Variants in RACGAP1 observed in about 807,000 individuals in gnomAD.
The protein encoded by RACGAP1 is Rac GTPase activating protein 1.
RACGAP1 carries 30 observed loss-of-function variants against 78.1 expected under a neutral mutation model. The ratio of observed to expected loss-of-function variants is 0.38; its 90% CI spans 0.29 to 0.52. The LOEUF is 0.52. Ranked by LOEUF, RACGAP1 falls within the 20% of genes least tolerant of loss-of-function variation. RACGAP1 has a pLI of 0.82. For missense variants in RACGAP1, 587 were observed against 777.1 expected (o/e 0.76, Z 2.91); for synonymous variants, 231 against 264.8 (o/e 0.87, Z 1.24).
chr12:50,011,974 A>AC (rs1949367239), intron 2 of RACGAP1, among the ~76,000 whole-genome samples: 1 of 151,038 alleles, frequency 6.6e-6, no homozygotes, highest in African/African-American at 2.4e-5. Flanking sequence ...AAAAAAAAAA[A>AC]AAAAATTAGC....
chr12:50,025,664 T>C (rs984678614), upstream of RACGAP1: 2 of 541,376 alleles, frequency 3.7e-6, no homozygotes, highest in African/African-American at 2.1e-5. Flanking sequence ...TTTTCGGTTT[T>C]TTTTGTTTTT....
At chr12:49,995,997 C>T (rs749791117) in intron 10 of RACGAP1, among the ~76,000 whole-genome samples, 3 of 152,060 alleles carry the variant, frequency 2.0e-5, no homozygotes, top group Non-Finnish European at 4.4e-5. Flanking sequence ...GAGGAGGCAA[C>T]GACAGTATTG....
rs1010525150 is a variant in RACGAP1, at chr12:49,994,635, T to C, written c.1045-126A>G. Reference sequence around the variant, plus strand: ...GACATCATGTCTACTTTTACATTCCTATTCCCAAAGCATATATTAAAACAG... The same window carrying C: ...GACATCATGTCTACTTTTACATTCCCATTCCCAAAGCATATATTAAAACAG... On this transcript the variant is annotated intron_variant, in intron 10 of 16. Transcript: ENST00000312377. 5.0e-6 allele frequency: 7 copies of C among 1,398,480 alleles called. No homozygotes were observed. In the Admixed American group the frequency reaches 8.4e-5, roughly 17 times the overall value. The allele number at this position is 1,398,480 out of a possible 1,614,324, so 86.6% of individuals were successfully genotyped here.
At chr12:50,029,487 G>A (rs1013329584), upstream of RACGAP1, among the ~76,000 whole-genome samples, 1 of 151,184 alleles carries the variant, frequency 6.6e-6, no homozygotes, top group African/African-American at 2.4e-5. Flanking sequence ...CAGGAGAATC[G>A]CTCTTGAACC....
At position 49,989,541 on chromosome 12, in the gene RACGAP1, A is replaced by G. The variant is rs11557728; in HGVS notation, c.*727T>C. ...GCATCAGAATGAATTCAATTTTAAA[A>G]GAAAAACTGGCTTTGACCCCAAATG... On this transcript the variant is annotated 3_prime_UTR_variant, in exon 17 of 17. Transcript: ENST00000312377. 6.6e-6 allele frequency: 1 copy of G among 152,230 alleles called. No homozygotes were observed. Among genetic ancestry groups the G allele is most frequent in the Non-Finnish European group, 1.5e-5 (1 of 68,046 alleles). The allele number at this position is 152,230 out of a possible 1,614,324, so 9.4% of individuals were successfully genotyped here.
At chr12:50,012,757 T>C (rs1949428576) in intron 2 of RACGAP1, among the ~76,000 whole-genome samples, 1 of 148,606 alleles carries the variant, frequency 6.7e-6, no homozygotes, top group Non-Finnish European at 1.5e-5. Flanking sequence ...AGACTCTGTT[T>C]CAAAAAAAAT....
rs566935542 is a variant in RACGAP1, at chr12:49,997,313, C to T, written c.880-109G>A. 4.1e-5 allele frequency: 56 copies of T among 1,350,158 alleles called. No individual in the cohort carries two copies. In the Admixed American group the frequency reaches 5.5e-4, roughly 13 times the overall value. The allele number at this position is 1,350,158 out of a possible 1,614,324, so 83.6% of individuals were successfully genotyped here. A position where few individuals can be genotyped will look rare whatever the true frequency, so the allele number is the denominator to read the frequency against. Reference sequence around the variant, plus strand: ...TTTTTGAGACCGAATCTCACTCTCTCGCCTGGGCTGGAGTGCAGTGGTGTG... The same window carrying T: ...TTTTTGAGACCGAATCTCACTCTCTTGCCTGGGCTGGAGTGCAGTGGTGTG... On this transcript the variant is annotated intron_variant, in intron 9 of 16. Coordinates refer to ENST00000312377, the MANE Select transcript of RACGAP1 (RefSeq NM_001319999.2).
chr12:49,999,246 G>A lies in RACGAP1; in HGVS notation c.774C>T (p.Asp258=). 1 of 1,613,840 alleles carries A rather than the reference G, an allele frequency of 6.2e-7. No homozygotes were observed. Among genetic ancestry groups the A allele is most frequent in the Non-Finnish European group, 8.5e-7 (1 of 1,179,958 alleles). The change falls in exon 9 of 17, where the codon GAC becomes GAT. Residue 258 remains aspartate, a synonymous_variant. Transcript: ENST00000312377. ...KTGTLQPWNS[D]STLNSRQLEP... ...CCAGCTGCCTGCTGTTCAGGGTGGA[G>A]TCACTGTTCCAAGGTTGTAAAGTAC...
chr12:50,026,085 T>C (rs1178705833), upstream of RACGAP1, among the ~76,000 whole-genome samples: 1 of 152,260 alleles, frequency 6.6e-6, no homozygotes, highest in East Asian at 1.9e-4. Flanking sequence ...TAATTCCATT[T>C]AATAAACGTT....
chr12:50,002,369 T>C (rs953067213), intron 5 of RACGAP1, 69 bp from the exon 6 acceptor site: 13 of 1,383,824 alleles, frequency 9.4e-6, no homozygotes, highest in Admixed American at 2.0e-5. Context: ...TGCAAATAAA[T>C]TTACAGAGAA....
intron 15 of RACGAP1, among the ~76,000 whole-genome samples, chr12:49,991,479 A>ATATATATATATATATATAT (rs1555169074): frequency 4.2e-5 from 1 of 24,088 alleles, no homozygotes; most frequent in African/African-American, 1.4e-4. Flanking sequence ...ATATATATAT[A>ATATATATATATATATATAT]TTTTTTTTTT....
Position 49,990,229 on chromosome 12 carries a change from T to G in RACGAP1, c.*39A>C, listed in dbSNP as rs1947738471. On this transcript the variant is annotated 3_prime_UTR_variant, in exon 17 of 17. Transcript: ENST00000312377. Reference sequence around the variant, plus strand: ...CAGAGTACAGATGTGTCCTTTCTTATAGTCAGTCAATGCTGGGAAGTAACA... The same window carrying G: ...CAGAGTACAGATGTGTCCTTTCTTAGAGTCAGTCAATGCTGGGAAGTAACA... 1.3e-6 allele frequency: 2 copies of G among 1,535,704 alleles called. No homozygotes were observed. The highest frequency in any genetic ancestry group is 2.7e-5 in the African/African-American group (2 of 73,274).
chr12:50,009,586 C>T (rs1400355478), intron 2 of RACGAP1, among the ~76,000 whole-genome samples: 1 of 152,138 alleles, frequency 6.6e-6, no homozygotes, highest in African/African-American at 2.4e-5. Context: ...CTTTTATCTC[C>T]AGTGTTGTAA....
At chr12:50,012,327 G>A (rs1296169483) in intron 2 of RACGAP1, among the ~76,000 whole-genome samples, 1 of 151,894 alleles carries the variant, frequency 6.6e-6, no homozygotes, top group African/African-American at 2.4e-5. Context: ...TTGGGAGGCT[G>A]AGGCGGGTGG....
Position 49,990,145 on chromosome 12 carries a change from A to G in RACGAP1, c.*123T>C. ...TTAATAAAACCCTCATGCACAATTA[A>G]ACTTGAGTAAAAGCCTGGAGAATGC... On this transcript the variant is annotated 3_prime_UTR_variant, in exon 17 of 17. Transcript: ENST00000312377. 1.3e-6 allele frequency: 1 copy of G among 765,864 alleles called. No individual in the cohort carries two copies. The highest frequency in any genetic ancestry group is 1.9e-5 in the South Asian group (1 of 53,130). The allele number at this position is 765,864 out of a possible 1,614,324, so 47.4% of individuals were successfully genotyped here.
At chr12:50,031,158 A>C (rs1207133245) in intron 2 of RACGAP1, among the ~76,000 whole-genome samples, 1 of 151,986 alleles carries the variant, frequency 6.6e-6, no homozygotes, top group Admixed American at 6.6e-5. Context: ...AAAATCCTTA[A>C]TGACTTCAAC....
Position 49,992,341 on chromosome 12 carries a change from G to A in RACGAP1, c.1482C>T (p.Ala494=), listed in dbSNP as rs1947949513. Residue 494 remains alanine (A), a synonymous_variant, in exon 14 of 17, where the codon GCC becomes GCT. Transcript: ENST00000312377. Reference sequence around the variant, plus strand: ...TAGGGCCAAAGACTTTAGCCAGATTGGCAACATCCATTTTAGTATGTGGAC... The same window carrying A: ...TAGGGCCAAAGACTTTAGCCAGATTAGCAACATCCATTTTAGTATGTGGAC... ...AQSPHTKMDV[A]NLAKVFGPTI... is the part of the protein sequence containing the mutation. 1.2e-6 allele frequency: 2 copies of A among 1,614,106 alleles called. No homozygotes were observed. The highest frequency in any genetic ancestry group is 1.7e-6 in the Non-Finnish European group (2 of 1,179,994).
Position 49,992,279 on chromosome 12 carries a change from A to G in RACGAP1, c.1544T>C (p.Val515Ala). ...ACGCTTGATGTCCTGTAACATTGTCACTGGGTCTGGATTGGGCACAGCATG... is the reference window on the plus strand; with the variant it reads ...ACGCTTGATGTCCTGTAACATTGTCGCTGGGTCTGGATTGGGCACAGCATG... The part of the protein sequence containing the change: ...VAHAVPNPDP[V>A]TMLQDIKRQP... The change falls in exon 14 of 17, where the codon GTG becomes GCG. Residue 515 changes from valine to alanine, a missense_variant. Transcript: ENST00000312377. 2 of 1,614,130 alleles carry G rather than the reference A, an allele frequency of 1.2e-6. No individual in the cohort carries two copies. The highest frequency in any genetic ancestry group is 1.7e-6 in the Non-Finnish European group (2 of 1,180,026).
In RACGAP1 at chr12:49,994,525, A is replaced by T. The variant is rs770168591; in HGVS notation, c.1045-16T>A. ...CCAGCATTCCCTGGAAAAAAAAAAG[A>T]GCTTTAAATTATTATTTACGCCATG... On this transcript the variant is annotated splice_polypyrimidine_tract_variant and intron_variant, in intron 10 of 16. Transcript: ENST00000312377. The T allele has an allele frequency of 3.7e-6, 6 of 1,606,758 alleles. No homozygotes were observed. The highest frequency in any genetic ancestry group is 5.1e-6 in the Non-Finnish European group (6 of 1,178,070).
Sources: allele counts gnomAD v4.1 joint callset (sites outside exome capture counted in the v4.1 genomes callset), GRCh38; gene constraint gnomAD v4.1.1; transcripts MANE v1.5; gene names NCBI Gene and HGNC (gene_info 2026-07-23, HGNC 2026-07-21).